RALGAPA1: variants seen among roughly 807,000 people sequenced by gnomAD.
RALGAPA1 encodes the protein Ral GTPase activating protein catalytic subunit alpha 1.
In RALGAPA1, 52 loss-of-function variants were observed where a neutral mutation model predicts 269.6. That is an observed-to-expected ratio of 0.19 (90% CI 0.15 to 0.24). The LOEUF is 0.24. Ranked by LOEUF, RALGAPA1 falls within the 10% of genes least tolerant of loss-of-function variation. The pLI is 1.00. For missense variants in RALGAPA1, 1,917 were observed against 3,013.9 expected, an observed-to-expected ratio of 0.64 and a Z score of 8.52; for synonymous variants, 817 against 1,008.3, an observed-to-expected ratio of 0.81 and a Z score of 3.60.
intron 17 of RALGAPA1, among the ~76,000 whole-genome samples, chr14:35,696,397 A>AT (rs550592932): frequency 2.1e-4 from 31 of 150,450 alleles, no homozygotes; most frequent in African/African-American, 5.8e-4. Context: ...TAAAAAAAAA[A>AT]TTTTTTTTTT....
intron 7 of RALGAPA1, 142 bp from the exon 8 acceptor site, chr14:35,752,304 C>T: frequency 1.0e-6 from 1 of 984,642 alleles, no homozygotes; most frequent in Non-Finnish European, 1.4e-6. Flanking sequence ...AGCATAAGGA[C>T]AAATCTTTTA....
intron 12 of RALGAPA1, among the ~76,000 whole-genome samples, chr14:35,738,064 G>A (rs2071193633): frequency 6.6e-6 from 1 of 150,860 alleles, no homozygotes; most frequent in African/African-American, 2.4e-5. Flanking sequence ...CTCCAGCCTG[G>A]GCAACAAGAG....
chr14:35,699,296 G>C (rs1328068130), intron 17 of RALGAPA1, among the ~76,000 whole-genome samples: 3 of 152,084 alleles, frequency 2.0e-5, no homozygotes, highest in Admixed American at 2.0e-4. Context: ...GCAAAAAGTT[G>C]TATTTGCGTG....
chr14:35,646,235 G>A (rs747334926), intron 31 of RALGAPA1, among the ~76,000 whole-genome samples: 2 of 152,110 alleles, frequency 1.3e-5, no homozygotes, highest in Non-Finnish European at 2.9e-5. Flanking sequence ...GGAAATTTAA[G>A]GAGTCAAATA....
intron 1 of RALGAPA1, among the ~76,000 whole-genome samples, chr14:35,784,815 T>C (rs2075688788): frequency 6.6e-6 from 1 of 152,206 alleles, no homozygotes; most frequent in South Asian, 2.1e-4. Context: ...TAGTTACTAG[T>C]ATACCATTAT....
chr14:35,758,191 C>T (rs1481443501), intron 6 of RALGAPA1, among the ~76,000 whole-genome samples: 1 of 145,870 alleles, frequency 6.9e-6, no homozygotes, highest in Non-Finnish European at 1.5e-5. Flanking sequence ...TTGCAGTGAG[C>T]CGAGATCGCA....
intron 1 of RALGAPA1, among the ~76,000 whole-genome samples, chr14:35,788,083 T>G (rs1349319600): frequency 1.3e-5 from 2 of 152,164 alleles, no homozygotes; most frequent in Admixed American, 1.3e-4. Context: ...GCGATTCTCC[T>G]GCCTCAGCCT....
At chr14:35,642,205 C>T (rs1220265493) in intron 31 of RALGAPA1, among the ~76,000 whole-genome samples, 4 of 152,074 alleles carry the variant, frequency 2.6e-5, no homozygotes, top group Non-Finnish European at 5.9e-5. Flanking sequence ...TGGAGTAATA[C>T]CCTACAAGCA....
At chr14:35,802,108 G>C (rs956950559) in intron 1 of RALGAPA1, among the ~76,000 whole-genome samples, 3 of 152,330 alleles carry the variant, frequency 2.0e-5, no homozygotes, top group Non-Finnish European at 4.4e-5. Context: ...AGGAGTTCGA[G>C]ACCAGCCTTA....
At chr14:35,639,759 G>C (rs2061891426) in intron 31 of RALGAPA1, among the ~76,000 whole-genome samples, 1 of 152,042 alleles carries the variant, frequency 6.6e-6, no homozygotes, top group Admixed American at 6.5e-5. Flanking sequence ...CTAAGACGGT[G>C]AAACCCCGTC....
intron 39 of RALGAPA1, 126 bp from the exon 40 acceptor site, chr14:35,549,360 CT>C: frequency 1.0e-6 from 1 of 959,482 alleles, no homozygotes; most frequent in South Asian, 2.2e-5. Context: ...ACTAATTATT[CT>C]TATATATTGT....
At chr14:35,748,078 C>T (rs2072292188) in intron 10 of RALGAPA1, among the ~76,000 whole-genome samples, 1 of 151,736 alleles carries the variant, frequency 6.6e-6, no homozygotes, top group South Asian at 2.1e-4. Context: ...GTTTATTAAT[C>T]AAATGATAGA....
chr14:35,565,288 G>A (rs2056599211), intron 39 of RALGAPA1, among the ~76,000 whole-genome samples: 1 of 150,024 alleles, frequency 6.7e-6, no homozygotes, highest in Non-Finnish European at 1.5e-5. Context: ...CCAGTTTTTG[G>A]TCAAACATCA....
chr14:35,775,660 A>T lies in RALGAPA1; in HGVS notation c.192T>A (p.Thr64=). ...IYYVFFENFV[T]IEASLKQKGH... ...CTTTCTGTTTAAGACTAGCTTCAAT[A>T]GTCACAAAATTTTCAAAGAACACAT... The change falls in exon 2 of 42, where the codon ACT becomes ACA. Residue 64 remains threonine, a synonymous_variant. Coordinates refer to ENST00000680220, the MANE Select transcript of RALGAPA1 (RefSeq NM_001346249.2). 1 of 1,579,312 alleles carries T rather than the reference A, an allele frequency of 6.3e-7. No individual in the cohort carries two copies. The highest frequency in any genetic ancestry group is 1.9e-5 in the Admixed American group (1 of 52,392).
chr14:35,641,089 C>A (rs1330501724), intron 31 of RALGAPA1, among the ~76,000 whole-genome samples: 1 of 152,060 alleles, frequency 6.6e-6, no homozygotes, highest in Admixed American at 6.6e-5. Context: ...AAGGAACACA[C>A]CTCAACATAA....
At chr14:35,663,654 A>G (rs953153044) in intron 27 of RALGAPA1, among the ~76,000 whole-genome samples, 2 of 150,690 alleles carry the variant, frequency 1.3e-5, no homozygotes, top group African/African-American at 4.9e-5. Flanking sequence ...CAGTGGCGCA[A>G]TCTCGGCTCA....
intron 28 of RALGAPA1, 119 bp downstream of exon 28, chr14:35,659,019 T>C (rs2063375383): frequency 5.8e-6 from 3 of 517,182 alleles, no homozygotes; most frequent in South Asian, 5.1e-5. Context: ...TAACTTAAAA[T>C]TGTAATTCAG....
chr14:35,746,827 G>A (rs993994519), intron 10 of RALGAPA1, among the ~76,000 whole-genome samples: 2 of 151,178 alleles, frequency 1.3e-5, no homozygotes, highest in Non-Finnish European at 2.9e-5. Context: ...TTAGGAAGAG[G>A]GTAAAAAAAT....
intron 37 of RALGAPA1, among the ~76,000 whole-genome samples, chr14:35,574,948 T>G (rs1435393291): frequency 6.6e-6 from 1 of 151,826 alleles, no homozygotes; most frequent in East Asian, 1.9e-4. Context: ...GCCAACATGG[T>G]GAAACCCCAT....
Sources: allele counts gnomAD v4.1 joint callset (sites outside exome capture counted in the v4.1 genomes callset), GRCh38; gene constraint gnomAD v4.1.1; transcripts MANE v1.5; gene names NCBI Gene and HGNC (gene_info 2026-07-23, HGNC 2026-07-21).